The following HDAC5 variants were observed in gnomAD, a reference collection of about 807,000 sequenced individuals.
HDAC5 encodes the protein antigen NY-CO-9.
In HDAC5, 25 loss-of-function variants were observed where a neutral mutation model predicts 133.3. The observed-to-expected ratio is 0.19, with a 90% CI of 0.14 to 0.26. HDAC5 has a LOEUF of 0.26. Ranked by LOEUF, HDAC5 falls within the 10% of genes least tolerant of loss-of-function variation. The pLI is 1.00. For synonymous variants in HDAC5, 589 were observed against 610.8 expected, an observed-to-expected ratio of 0.96 and a Z score of 0.53; for missense variants, 1,041 against 1,460.5, an observed-to-expected ratio of 0.71 and a Z score of 4.68.
rs917467827 is a variant in HDAC5 at position 44,093,443 on chromosome 17, G to T, written c.397C>A (p.Leu133Met). 6 of 1,604,234 alleles carry T rather than the reference G, an allele frequency of 3.7e-6. No individual in the cohort carries two copies. In the African/African-American group the frequency reaches 8.0e-5, roughly 21 times the overall value. Residue 133 changes from leucine to methionine, a missense_variant, in exon 5 of 27, where the codon CTG becomes ATG. Physicochemically the swap from Leu to Met is conservative, Grantham distance 15. Transcript: ENST00000682912. ...AGCTCCTGCTGCCGCTTGGCTGCCA[G>T]CATCTCCTGCTGCTGCTTGGCTGCC... ...MLAAKQQQEM[L>M]AAKRQQELEQ...
chr17:44,090,228 G>A (rs2050875621), intron 11 of HDAC5, among the ~76,000 whole-genome samples: 1 of 151,812 alleles, frequency 6.6e-6, no homozygotes, highest in Admixed American at 6.6e-5. Flanking sequence ...GCGAGACTCA[G>A]TCTCGAAAAA....
intron 3 of HDAC5, among the ~76,000 whole-genome samples, chr17:44,096,783 T>C (rs1031156190): frequency 1.4e-5 from 2 of 145,114 alleles, no homozygotes; most frequent in Non-Finnish European, 3.0e-5. Context: ...GCCTTTTTTT[T>C]AGATGGAGTC....
intron 2 of HDAC5, chr17:44,111,162 C>A: frequency 2.7e-6 from 1 of 371,266 alleles, no homozygotes; most frequent in South Asian, 2.5e-5. Flanking sequence ...AGCGGGCAGG[C>A]GGGCTCTGTG....
chr17:44,115,664 T>G (rs2052603318), intron 2 of HDAC5, among the ~76,000 whole-genome samples: 1 of 152,176 alleles, frequency 6.6e-6, no homozygotes, highest in Non-Finnish European at 1.5e-5. Context: ...AGGAAGGGCC[T>G]CAAGCAAACA....
Position 44,082,617 on chromosome 17 carries a change from A to C in HDAC5, c.2575T>G (p.Leu859Val). The C allele has an allele frequency of 6.2e-7, 1 of 1,614,140 alleles. No homozygotes were observed. Among genetic ancestry groups the C allele is most frequent in the Non-Finnish European group, 8.5e-7 (1 of 1,180,006 alleles). ...ACGATGAGGACCTTGCCCACGTTCA[A>C]CTTCTGCTGTAGGAGTTTTGCGGTG... is the stretch of plus-strand genomic sequence containing the variant. ...AITAKLLQQKLNVGKVLIVDW... is the reference protein window; with the variant it reads ...AITAKLLQQKVNVGKVLIVDW... Residue 859 changes from leucine (L) to valine (V), a missense_variant, in exon 20 of 27, where the codon TTG becomes GTG. This residue lies in a region of HDAC5 where 174 missense variants were observed against 352.7 expected (regional missense o/e 0.49). Transcript: ENST00000682912.
In HDAC5 at chr17:44,092,043, G is replaced by A. The variant is rs180789850; in HGVS notation, c.1032+129C>T. On this transcript the variant is annotated intron_variant, in intron 9 of 26. Coordinates refer to ENST00000682912, the MANE Select transcript of HDAC5 (RefSeq NM_005474.5). ...ATTAAGTCCAAGCAAGGATCCTCCA[G>A]CCTATTCATGTGGGCAGAGAGGTCT... The A allele has an allele frequency of 7.4e-5, 70 of 947,536 alleles. No individual in the cohort carries two copies. In the East Asian group the frequency reaches 1.7e-3, roughly 24 times the overall value. 58.7% of individuals were successfully genotyped at this position (947,536 alleles called of 1,614,324 possible). A position where few individuals can be genotyped will look rare whatever the true frequency, so the allele number is the denominator to read the frequency against.
intron 1 of HDAC5, among the ~76,000 whole-genome samples, chr17:44,119,473 T>C (rs1375341865): frequency 6.6e-6 from 1 of 152,210 alleles, no homozygotes; most frequent in East Asian, 1.9e-4. Context: ...CTACTCTCTC[T>C]GTGGGTCTTA....
intron 6 of HDAC5, 62 bp downstream of exon 6, chr17:44,093,030 T>G: frequency 8.0e-7 from 1 of 1,254,956 alleles, no homozygotes; most frequent in Non-Finnish European, 1.1e-6. Context: ...CTTGCCATCC[T>G]ATAGCCAGGC....
chr17:44,105,522 C>A (rs533354690), intron 3 of HDAC5, among the ~76,000 whole-genome samples: 43 of 152,336 alleles, frequency 2.8e-4, no homozygotes, highest in African/African-American at 1.0e-3. Flanking sequence ...GTTTGCTCCA[C>A]ACCTGGGGTG....
rs117028386 is a variant in HDAC5 at position 44,101,692 on chromosome 17, C to T, written c.95-7858G>A. 4.6e-5 allele frequency among the ~76,000 whole-genome samples: 7 copies of T among 152,242 alleles called. No individual in the cohort carries two copies. In the East Asian group the frequency reaches 1.2e-3, roughly 25 times the overall value. On this transcript the variant is annotated intron_variant, in intron 3 of 26. Transcript: ENST00000682912. ...CAAGCCTCTTAGAGAGGCTGCTCTG[C>T]AGATGATCCTACCAGCTAAGTAGCA...
chr17:44,094,860 A>G (rs945865595), intron 3 of HDAC5, among the ~76,000 whole-genome samples: 5 of 152,012 alleles, frequency 3.3e-5, no homozygotes. Context: ...CTGGAATGCA[A>G]TGGCATGATC....
chr17:44,087,477 C>T lies in HDAC5; in HGVS notation c.1819G>A (p.Glu607Lys), dbSNP rs1412934411. ...EEEDCIQVKDEEGESGAEEGP... is the reference protein window; with the variant it reads ...EEEDCIQVKDKEGESGAEEGP... ...TCCTCAGCACCACTCTCGCCCTCCT[C>T]GTCCTTAACCTGGATGCAATCCTCC... The change falls in exon 13 of 27, where the codon GAG (glutamate) becomes AAG (lysine). Residue 607 changes from glutamate (E) to lysine (K), a missense_variant. Around this residue, in one of 9 missense-constraint regions of HDAC5, gnomAD observed 433 missense variants for 531.6 expected, o/e 0.81. Coordinates refer to ENST00000682912, the MANE Select transcript of HDAC5 (RefSeq NM_005474.5). 7 of 1,549,146 alleles carry T rather than the reference C, an allele frequency of 4.5e-6. No individual in the cohort carries two copies. The highest frequency in any genetic ancestry group is 1.7e-5 in the Admixed American group (1 of 59,898).
rs560682573 is a variant in HDAC5, at chr17:44,106,352, A to G, written c.94+4377T>C. ...ACAGAAAACAAAGCCTCCTCTCACAACCCCAGGAGGCCCCCAAGGCTAGAA... is the reference window on the plus strand; with the variant it reads ...ACAGAAAACAAAGCCTCCTCTCACAGCCCCAGGAGGCCCCCAAGGCTAGAA... On this transcript the variant is annotated intron_variant, in intron 3 of 26. Transcript: ENST00000682912. 1.4e-4 allele frequency among the ~76,000 whole-genome samples: 22 copies of G among 152,064 alleles called. No individual in the cohort carries two copies. In the East Asian group the frequency reaches 3.7e-3, roughly 25 times the overall value.
At chr17:44,096,726 T>G (rs948391177) in intron 3 of HDAC5, among the ~76,000 whole-genome samples, 2 of 152,066 alleles carry the variant, frequency 1.3e-5, no homozygotes, top group Admixed American at 1.3e-4. Context: ...TCCGCTCGCC[T>G]CGGCCTCCCA....
At chr17:44,088,658 C>G in intron 11 of HDAC5, 60 bp from the exon 12 acceptor site, 1 of 1,566,044 alleles carries the variant, frequency 6.4e-7, no homozygotes, top group Non-Finnish European at 8.7e-7. Context: ...GCCCTCCCAC[C>G]GACCCTGCAT....
At chr17:44,084,813 G>T in intron 15 of HDAC5, 138 bp from the exon 16 acceptor site, 1 of 1,314,258 alleles carries the variant, frequency 7.6e-7, no homozygotes, top group Non-Finnish European at 1.1e-6. Flanking sequence ...TCCTGGCTCT[G>T]TCATGACCTT....
chr17:44,080,686 G>T (rs773417829), intron 21 of HDAC5, 77 bp downstream of exon 21: 7 of 1,599,330 alleles, frequency 4.4e-6, no homozygotes, highest in Non-Finnish European at 6.0e-6. Flanking sequence ...ATGGGCCTCC[G>T]TGGCTCCCCG....
chr17:44,109,609 T>C (rs1267729815), intron 3 of HDAC5, among the ~76,000 whole-genome samples: 1 of 152,228 alleles, frequency 6.6e-6, no homozygotes, highest in East Asian at 1.9e-4. Flanking sequence ...GTTCCAAAGA[T>C]TTTTTGAATC....
rs143614070 is a variant in HDAC5, at chr17:44,083,444, G to A, written c.2463+101C>T. 8.7e-4 allele frequency: 689 copies of A among 791,562 alleles called. 1 individual carries two copies. The highest frequency in any genetic ancestry group is 6.7e-3 in the African/African-American group (396 of 58,918). 49.0% of individuals were successfully genotyped at this position (791,562 alleles called of 1,614,324 possible). On this transcript the variant is annotated intron_variant, in intron 18 of 26. Coordinates refer to ENST00000682912, the MANE Select transcript of HDAC5 (RefSeq NM_005474.5). The stretch of plus-strand genomic sequence containing the variant: ...GGTGCCTGAGAGTTGAGCTTGCAAA[G>A]GACAGTGCCTCACTGAAAGGATCCC...
Sources: allele counts gnomAD v4.1 joint callset (sites outside exome capture counted in the v4.1 genomes callset), GRCh38; gene constraint gnomAD v4.1.1; regional missense constraint gnomAD v4.1.1; transcripts MANE v1.5; gene names NCBI Gene and HGNC (gene_info 2026-07-23, HGNC 2026-07-21).